TANC2: variants seen among roughly 807,000 people sequenced by gnomAD.
TANC2 encodes the protein tetratricopeptide repeat, ankyrin repeat and coiled-coil containing 2, also known as protein TANC2.
In TANC2, 26 loss-of-function variants were observed where a neutral mutation model predicts 210.5. That is an observed-to-expected ratio of 0.12 (90% confidence interval 0.09 to 0.17). TANC2 has a LOEUF of 0.17. Among genes scored for constraint, TANC2 ranks in the 10% least tolerant of loss-of-function variants. The probability of loss-of-function intolerance (pLI) is 1.00; values close to 1 mark genes in which losing one functional copy is unlikely to be tolerated. For missense variants in TANC2, 2,129 were observed against 2,608.9 expected, an observed-to-expected ratio of 0.82 and a Z score of 4.01; for synonymous variants, 931 against 967.1, an observed-to-expected ratio of 0.96 and a Z score of 0.69.
chr17:63,218,930 T>G (rs1039493219), intron 7 of TANC2, among the ~76,000 whole-genome samples: 1 of 151,930 alleles, frequency 6.6e-6, no homozygotes, highest in South Asian at 2.1e-4. Flanking sequence ...TAGCAAAGTC[T>G]CAAGGTGTAG....
At chr17:62,973,783 A>G (rs2031846257) in intron 1 of TANC2, among the ~76,000 whole-genome samples, 1 of 152,218 alleles carries the variant, frequency 6.6e-6, no homozygotes, top group African/African-American at 2.4e-5. Flanking sequence ...CTGTTTTTGT[A>G]TGACCTGCAA....
At chr17:63,277,513 TCTGTCTTAAGTTATCATTGCCAGCATC>T (rs2043917143) in intron 9 of TANC2, among the ~76,000 whole-genome samples, 2 of 88,774 alleles carry the variant, frequency 2.3e-5, no homozygotes, top group South Asian at 6.0e-4. Flanking sequence ...ATGTCATTTC[TCTGTCTTAAGTTATCATTGCCAGCATC>T]CTTGTTCAGT....
chr17:63,412,265 C>T lies in TANC2; in HGVS notation c.3898+135C>T. 3 of 1,290,814 alleles carry T rather than the reference C, an allele frequency of 2.3e-6. No homozygotes were observed. Among genetic ancestry groups the T allele is most frequent in the Admixed American group, 4.6e-5 (2 of 43,228 alleles). 80.0% of individuals were successfully genotyped at this position (1,290,814 alleles called of 1,614,324 possible). A position where few individuals can be genotyped will look rare whatever the true frequency, so the allele number is the denominator to read the frequency against. ...CTGGCCCAATTATTGTCCAAGTGAA[C>T]AGAGAGGCTCTTGGCCCAGGGAAAG... On this transcript the variant is annotated intron_variant, in intron 23 of 27. Transcript: ENST00000689528. This position sits in a 1 kb window ranked among gnomAD's most constrained non-coding sequence, Gnocchi z 4.2.
intron 4 of TANC2, among the ~76,000 whole-genome samples, chr17:63,120,456 A>C (rs1476300080): frequency 1.3e-5 from 2 of 152,272 alleles, no homozygotes; most frequent in African/African-American, 4.8e-5. Context: ...ACTTTGGATG[A>C]TCATTTAGCC....
In TANC2 at chr17:62,966,434, A is replaced by G. The variant is rs1486391190; in HGVS notation, c.-339A>G. On this transcript the variant is annotated 5_prime_UTR_variant, in exon 1 of 28. Transcript: ENST00000689528. The surrounding 1 kb of genome is among the most constrained non-coding windows in gnomAD (Gnocchi z 5.1). ...GCCTCCTTCGGGCGGCCCCGCCCCC[A>G]TTCCCATCCCCCTCGCGCTCACCTC... Among the ~76,000 whole-genome samples, 1 of 145,762 alleles carries G rather than the reference A, an allele frequency of 6.9e-6. No homozygotes were observed. The highest frequency in any genetic ancestry group is 1.5e-5 in the Non-Finnish European group (1 of 65,606).
intron 7 of TANC2, among the ~76,000 whole-genome samples, chr17:63,219,763 A>C (rs1351623723): frequency 1.3e-5 from 2 of 152,224 alleles, no homozygotes; most frequent in Non-Finnish European, 2.9e-5. Context: ...CCTATGTAAC[A>C]AACCTGCATG....
chr17:63,196,554 T>C (rs1334335128), intron 6 of TANC2, among the ~76,000 whole-genome samples: 1 of 152,184 alleles, frequency 6.6e-6, no homozygotes, highest in African/African-American at 2.4e-5. Context: ...GGAGTGCACC[T>C]TACTTGTACA....
In TANC2 at chr17:63,091,571, C is replaced by T. The variant is rs2037195251; in HGVS notation, c.140-7604C>T. Among the ~76,000 whole-genome samples, 3 of 152,026 alleles carry T rather than the reference C, an allele frequency of 2.0e-5. No individual in the cohort carries two copies. In the East Asian group the frequency reaches 5.8e-4, roughly 29 times the overall value. Reference sequence around the variant, plus strand: ...CTCTGTTCTGTTCCATTGGTCGATACCTCTGTTTTGGTACCAGTACCATGC... The same window carrying T: ...CTCTGTTCTGTTCCATTGGTCGATATCTCTGTTTTGGTACCAGTACCATGC... On this transcript the variant is annotated intron_variant, in intron 3 of 27. Coordinates refer to ENST00000689528, the Ensembl canonical transcript of TANC2.
At position 63,291,104 on chromosome 17, in the gene TANC2, C is replaced by T. The variant is rs115693283; in HGVS notation, c.1159+23231C>T. Among the ~76,000 whole-genome samples the T allele has an allele frequency of 3.8e-3, 583 of 152,204 alleles. 3 individuals are homozygous for T. Among genetic ancestry groups the T allele is most frequent in the African/African-American group, 0.012 (499 of 41,512 alleles). The stretch of plus-strand genomic sequence containing the variant: ...GCTTCCTATAGGAAATACTATTCAC[C>T]GATTATAAGTGCCTTGGCTAGTATC... On this transcript the variant is annotated intron_variant, in intron 9 of 27. Coordinates refer to ENST00000689528, the Ensembl canonical transcript of TANC2.
At chr17:63,067,490 A>G (rs1464493513) in intron 2 of TANC2, among the ~76,000 whole-genome samples, 2 of 151,876 alleles carry the variant, frequency 1.3e-5, no homozygotes, top group Non-Finnish European at 2.9e-5. Context: ...TTTTTATTTT[A>G]TTAAAAATAA....
At chr17:63,038,975 G>T (rs1292034769) in intron 2 of TANC2, among the ~76,000 whole-genome samples, 1 of 152,030 alleles carries the variant, frequency 6.6e-6, no homozygotes, top group Non-Finnish European at 1.5e-5. Flanking sequence ...TCTGTTTCTT[G>T]TTTTATCTGT....
chr17:63,340,357 G>C, intron 12 of TANC2, 25 bp downstream of exon 12: 1 of 1,598,726 alleles, frequency 6.3e-7, no homozygotes, highest in Non-Finnish European at 8.6e-7. Flanking sequence ...CAAAGGAGGG[G>C]AAAGATGGAG....
chr17:63,382,004 A>G (rs1392621335), intron 15 of TANC2, among the ~76,000 whole-genome samples: 1 of 152,194 alleles, frequency 6.6e-6, no homozygotes, highest in African/African-American at 2.4e-5. Flanking sequence ...TTTTGGCTAC[A>G]TCCTGGCTGG....
At chr17:63,056,506 G>A (rs566723604) in intron 2 of TANC2, among the ~76,000 whole-genome samples, 22 of 151,942 alleles carry the variant, frequency 1.4e-4, no homozygotes, top group African/African-American at 4.4e-4. Context: ...AGCAAGATCC[G>A]TTCTCTACCA....
intron 14 of TANC2, among the ~76,000 whole-genome samples, chr17:63,372,583 C>A (rs1205860714): frequency 1.3e-5 from 2 of 152,172 alleles, no homozygotes; most frequent in Non-Finnish European, 2.9e-5. Flanking sequence ...TAATATGTCT[C>A]ACTTAATTCT....
At chr17:63,136,228 A>AT (rs1423595672) in intron 4 of TANC2, among the ~76,000 whole-genome samples, 1 of 152,150 alleles carries the variant, frequency 6.6e-6, no homozygotes, top group Non-Finnish European at 1.5e-5. Flanking sequence ...TATTGTGGTC[A>AT]TTTTTTGAGT....
chr17:63,395,966 G>T (rs765393493), intron 18 of TANC2, 38 bp downstream of exon 18: 1 of 1,536,500 alleles, frequency 6.5e-7, no homozygotes, highest in Admixed American at 2.1e-5. Context: ...TTCAAGCTCT[G>T]TATTGAAGGA....
Position 63,182,430 on chromosome 17 carries a change from C to A in TANC2, c.434-11561C>A. The A allele has an allele frequency of 2.3e-5, 6 of 263,614 alleles. No individual in the cohort carries two copies. In the South Asian group the frequency reaches 2.8e-4, roughly 12 times the overall value. 16.3% of individuals were successfully genotyped at this position (263,614 alleles called of 1,614,324 possible). A position where few individuals can be genotyped will look rare whatever the true frequency, so the allele number is the denominator to read the frequency against. ...GGAGTTGGAAGTCATTTTGACAGTT[C>A]GTTTTAGTTTGGCGTCACATTCCTG... is the stretch of plus-strand genomic sequence containing the variant. On this transcript the variant is annotated intron_variant, in intron 5 of 27. Transcript: ENST00000689528.
At chr17:62,971,000 A>C (rs752223031) in intron 1 of TANC2, among the ~76,000 whole-genome samples, 6 of 151,936 alleles carry the variant, frequency 3.9e-5, no homozygotes, top group Non-Finnish European at 7.4e-5. Flanking sequence ...TATTTGCTTA[A>C]TGTGCCTGTA....
Sources: allele counts gnomAD v4.1 joint callset (sites outside exome capture counted in the v4.1 genomes callset), GRCh38; gene constraint gnomAD v4.1.1; non-coding constraint Gnocchi (gnomAD v3.1); transcripts MANE v1.5; gene names NCBI Gene and HGNC (gene_info 2026-07-23, HGNC 2026-07-21).